Variants in CCN4 observed in about 807,000 individuals in gnomAD.
CCN4 encodes cellular communication network factor 4, also known as CCN family member 4.
A neutral mutation model predicts 36.7 loss-of-function variants in CCN4; 30 were observed. The ratio of observed to expected loss-of-function variants is 0.82; its 90% confidence interval spans 0.61 to 1.11. The LOEUF is 1.11. Among genes scored for constraint, CCN4 ranks in the 50% least tolerant of loss-of-function variants. The pLI, the probability that CCN4 is intolerant of heterozygous loss-of-function variation, is 0.00. For missense variants in CCN4, 505 were observed against 504.9 expected (o/e 1.00, Z 0.00); for synonymous variants, 191 against 195.4 (o/e 0.98, Z 0.19).
intron 1 of CCN4, among the ~76,000 whole-genome samples, chr8:133,209,097 A>G (rs1053390358): frequency 2.0e-5 from 3 of 152,188 alleles, no homozygotes; most frequent in African/African-American, 4.8e-5. Context: ...CTCGGTCCCT[A>G]GAATGACTCA....
chr8:133,226,738 G>A (rs934487885), intron 4 of CCN4, among the ~76,000 whole-genome samples: 1 of 152,102 alleles, frequency 6.6e-6, no homozygotes, highest in African/African-American at 2.4e-5. Flanking sequence ...CCCAAATTGG[G>A]CAAGCTTCAT....
In CCN4 at chr8:133,201,844, AAAAAGAAAAG is replaced by A. The variant is rs145650035; in HGVS notation, c.69+10651_69+10660del. On this transcript the variant is annotated intron_variant, in intron 1 of 4. Coordinates refer to ENST00000250160, the MANE Select transcript of CCN4 (RefSeq NM_003882.4). ...GACGATACACTCAGATTCAGTCTCAAAAAAGAAAAGAAAAGAAAAGAAAAGAAAAAAACCC... is the reference window on the plus strand; with the variant it reads ...GACGATACACTCAGATTCAGTCTCAAAAAAGAAAAGAAAAGAAAAAAACCC... Among the ~76,000 whole-genome samples, 587 of 147,604 alleles carry A rather than the reference AAAAAGAAAAG, an allele frequency of 4.0e-3. 3 individuals are homozygous for A. The highest frequency in any genetic ancestry group is 0.014 in the African/African-American group (545 of 38,464).
At chr8:133,193,790 A>C (rs1354979893) in intron 1 of CCN4, among the ~76,000 whole-genome samples, 2 of 152,256 alleles carry the variant, frequency 1.3e-5, no homozygotes. Context: ...ACCTTGGTCC[A>C]GCTCTTGGTA....
intron 1 of CCN4, among the ~76,000 whole-genome samples, chr8:133,200,519 C>G (rs954377315): frequency 1.3e-5 from 2 of 152,202 alleles, no homozygotes; most frequent in Admixed American, 1.3e-4. Flanking sequence ...AAGCCCAGGC[C>G]TGGGACATGA....
chr8:133,214,768 A>G (rs1854258781), intron 2 of CCN4, among the ~76,000 whole-genome samples: 1 of 152,014 alleles, frequency 6.6e-6, no homozygotes, highest in African/African-American at 2.4e-5. Context: ...TAAACCCAAA[A>G]ACTCCCTTCT....
intron 1 of CCN4, among the ~76,000 whole-genome samples, chr8:133,212,034 C>T (rs1854061922): frequency 6.6e-6 from 1 of 152,192 alleles, no homozygotes; most frequent in Non-Finnish European, 1.5e-5. Context: ...CCTTGGTTTC[C>T]CTTCCCAGCT....
intron 1 of CCN4, among the ~76,000 whole-genome samples, chr8:133,206,376 A>G (rs1404253761): frequency 2.0e-5 from 3 of 152,206 alleles, no homozygotes; most frequent in Admixed American, 2.0e-4. Flanking sequence ...TGACTCCGCA[A>G]GCGGATGTGC....
chr8:133,206,407 C>A (rs1853773858), intron 1 of CCN4, among the ~76,000 whole-genome samples: 1 of 152,216 alleles, frequency 6.6e-6, no homozygotes, highest in South Asian at 2.1e-4. Flanking sequence ...GAGTTGAGAG[C>A]CCACATAGGA....
chr8:133,195,796 C>T (rs1177946323), intron 1 of CCN4, among the ~76,000 whole-genome samples: 2 of 152,240 alleles, frequency 1.3e-5, no homozygotes, highest in African/African-American at 4.8e-5. Context: ...TTAGAAAAGG[C>T]TCCGGCCCTG....
chr8:133,223,014 C>T (rs574012717), intron 3 of CCN4, among the ~76,000 whole-genome samples: 2 of 152,042 alleles, frequency 1.3e-5, no homozygotes, highest in South Asian at 2.1e-4. Flanking sequence ...CAGAAGCGCC[C>T]GCTCCCTCAG....
intron 3 of CCN4, among the ~76,000 whole-genome samples, chr8:133,223,321 G>A (rs1296404468): frequency 6.6e-6 from 1 of 152,054 alleles, no homozygotes; most frequent in Non-Finnish European, 1.5e-5. Context: ...AAAAACCAAA[G>A]CCTCTTTATC....
At chr8:133,201,443 C>T (rs1853584550) in intron 1 of CCN4, among the ~76,000 whole-genome samples, 1 of 152,180 alleles carries the variant, frequency 6.6e-6, no homozygotes, top group Non-Finnish European at 1.5e-5. Flanking sequence ...GTGATAATTG[C>T]ATGGGGGTTA....
intron 1 of CCN4, among the ~76,000 whole-genome samples, chr8:133,195,484 G>A (rs576908753): frequency 6.6e-6 from 1 of 152,140 alleles, no homozygotes; most frequent in African/African-American, 2.4e-5. Context: ...TTTAGAGTTG[G>A]AATCTGAGTG....
intron 2 of CCN4, among the ~76,000 whole-genome samples, chr8:133,217,598 G>A (rs1854366014): frequency 6.6e-6 from 1 of 152,148 alleles, no homozygotes; most frequent in Non-Finnish European, 1.5e-5. Context: ...GCCAGTAGCA[G>A]CATCTCACTT....
chr8:133,213,218 C>T (rs977361839), intron 2 of CCN4, 75 bp downstream of exon 2: 6 of 1,515,086 alleles, frequency 4.0e-6, no homozygotes, highest in African/African-American at 2.7e-5. Context: ...TCTCCCTTGG[C>T]ACCCCCACAG....
At chr8:133,196,603 G>A (rs1438795214) in intron 1 of CCN4, among the ~76,000 whole-genome samples, 1 of 147,612 alleles carries the variant, frequency 6.8e-6, no homozygotes, top group Non-Finnish European at 1.5e-5. Flanking sequence ...GAAATGCCAA[G>A]GGTTCTAATC....
Position 133,213,011 on chromosome 8 carries a change from T to C in CCN4, c.217T>C (p.Cys73Arg). ...GGGGGTCAGCCTCATCACAGATGGC[T>C]GTGAGTGCTGTAAGATGTGCGCTCA... Reference protein sequence around the residue: ...PLGVSLITDGCECCKMCAQQL... With the variant: ...PLGVSLITDGRECCKMCAQQL... The change falls in exon 2 of 5, where the codon TGT becomes CGT. Residue 73 changes from cysteine to arginine, a missense_variant. By Grantham distance (180) the Cys-to-Arg change is radical. Coordinates refer to ENST00000250160, the MANE Select transcript of CCN4 (RefSeq NM_003882.4). 2 of 1,614,178 alleles carry C rather than the reference T, an allele frequency of 1.2e-6. No homozygotes were observed. The highest frequency in any genetic ancestry group is 1.7e-6 in the Non-Finnish European group (2 of 1,180,014).
chr8:133,217,074 G>A lies in CCN4; in HGVS notation c.350-3507G>A, dbSNP rs534841207. On this transcript the variant is annotated intron_variant, in intron 2 of 4. Coordinates refer to ENST00000250160, the MANE Select transcript of CCN4 (RefSeq NM_003882.4). ...ACTCACTATTACTATGACTTTAGGC[G>A]AACTACTTAGCCTTTTAAGTCTCAG... Among the ~76,000 whole-genome samples the A allele has an allele frequency of 3.5e-4, 54 of 152,300 alleles. 1 individual carries two copies. In the Middle Eastern group the frequency reaches 0.017, roughly 48 times the overall value.
Position 133,228,228 on chromosome 8 carries a change from G to C in CCN4, c.*518G>C, listed in dbSNP as rs1854820094. On this transcript the variant is annotated 3_prime_UTR_variant, in exon 5 of 5. Transcript: ENST00000250160. ...GATTCCAAATATGTATGCACCTCAA[G>C]GTCATCAAACATTTGCCAAGTGAGT... is the stretch of plus-strand genomic sequence containing the variant. The C allele has an allele frequency of 6.5e-6, 1 of 153,700 alleles. No individual in the cohort carries two copies. The highest frequency in any genetic ancestry group is 3.1e-3 in the Middle Eastern group (1 of 318). 9.5% of individuals were successfully genotyped at this position (153,700 alleles called of 1,614,324 possible).
Sources: allele counts gnomAD v4.1 joint callset (sites outside exome capture counted in the v4.1 genomes callset), GRCh38; gene constraint gnomAD v4.1.1; transcripts MANE v1.5; gene names NCBI Gene and HGNC (gene_info 2026-07-23, HGNC 2026-07-21).